The following CDH13 variants were observed in gnomAD, a reference collection of about 807,000 sequenced individuals.
The protein encoded by CDH13 is cadherin-13.
Under a neutral mutation model 63.8 loss-of-function variants are expected in CDH13, and 24 were observed. The ratio of observed to expected loss-of-function variants is 0.38; its 90% confidence interval spans 0.27 to 0.53. CDH13 has a LOEUF of 0.53. Ranked by LOEUF, CDH13 falls within the 20% of genes least tolerant of loss-of-function variation. CDH13 has a pLI of 0.85. For synonymous variants in CDH13, 503 were observed against 355.3 expected (o/e 1.42, Z -4.67); for missense variants, 1,049 against 903.1 (o/e 1.16, Z -2.07).
At chr16:82,665,022 T>C (rs1211363597) in intron 1 of CDH13, among the ~76,000 whole-genome samples, 2 of 152,230 alleles carry the variant, frequency 1.3e-5, no homozygotes, top group Non-Finnish European at 2.9e-5. Flanking sequence ...CATGGTAGTG[T>C]TGTGGTCACT....
chr16:83,397,269 C>G (rs1381702268), intron 6 of CDH13: 1 of 152,200 alleles, frequency 6.6e-6, no homozygotes, highest in Non-Finnish European at 1.5e-5. Flanking sequence ...AGACAAACCA[C>G]CACCACCATT....
intron 6 of CDH13, among the ~76,000 whole-genome samples, chr16:83,436,519 T>G (rs1020400122): frequency 6.6e-5 from 10 of 152,210 alleles, no homozygotes; most frequent in African/African-American, 2.4e-4. Flanking sequence ...AGTACTGTGT[T>G]GTCTTCATGC....
At position 83,356,212 on chromosome 16, in the gene CDH13, A is replaced by G. The variant is rs199925109; in HGVS notation, c.781+11206A>G. On this transcript the variant is annotated intron_variant, in intron 6 of 13. Coordinates refer to ENST00000567109, the MANE Select transcript of CDH13 (RefSeq NM_001257.5). Reference sequence around the variant, plus strand: ...CAGATGAGTGAGTTTATTTATTTTCATGTGTGTGTGTGTGTGTGTGTGTGT... The same window carrying G: ...CAGATGAGTGAGTTTATTTATTTTCGTGTGTGTGTGTGTGTGTGTGTGTGT... 6.7e-3 allele frequency among the ~76,000 whole-genome samples: 931 copies of G among 138,758 alleles called. 4 individuals are homozygous for G. The highest frequency in any genetic ancestry group is 0.018 in the East Asian group (68 of 3,862). The allele number at this position is 138,758 out of a possible 152,430, so 91.0% of individuals were successfully genotyped here.
chr16:83,275,853 G>A (rs2088970499), intron 5 of CDH13, among the ~76,000 whole-genome samples: 1 of 152,068 alleles, frequency 6.6e-6, no homozygotes, highest in South Asian at 2.1e-4. Context: ...GTGAGGGAAG[G>A]GTCACAAATG....
intron 11 of CDH13, among the ~76,000 whole-genome samples, chr16:83,779,189 G>A (rs1232690074): frequency 1.3e-5 from 2 of 151,712 alleles, no homozygotes; most frequent in Admixed American, 1.3e-4. Flanking sequence ...GGCGGATCAC[G>A]AGGTCAGGAG....
intron 6 of CDH13, among the ~76,000 whole-genome samples, chr16:83,373,407 G>A (rs1238420769): frequency 6.6e-6 from 1 of 152,150 alleles, no homozygotes; most frequent in African/African-American, 2.4e-5. Flanking sequence ...TGATTGGTAA[G>A]CTGAGTCTTG....
rs35023469 is a variant in CDH13 at position 83,609,239 on chromosome 16, A to AT, written c.1101+6655dup. On this transcript the variant is annotated intron_variant, in intron 8 of 13. Transcript: ENST00000567109. Reference sequence around the variant, plus strand: ...GTAAACTTTCTTAAGACATTATGAGATTTTTTTTTTAGCTCATCAGCTATC... The same window carrying AT: ...GTAAACTTTCTTAAGACATTATGAGATTTTTTTTTTTAGCTCATCAGCTATC... Among the ~76,000 whole-genome samples the AT allele has an allele frequency of 3.3e-3, 491 of 150,068 alleles. 3 individuals are homozygous for AT. The highest frequency in any genetic ancestry group is 0.01 in the African/African-American group (421 of 40,992).
At chr16:83,312,614 A>T (rs933892655) in intron 5 of CDH13, among the ~76,000 whole-genome samples, 1 of 152,202 alleles carries the variant, frequency 6.6e-6, no homozygotes, top group Non-Finnish European at 1.5e-5. Context: ...CACCCCTGCC[A>T]GGTCTACAGG....
chr16:83,191,489 G>A (rs62037389), intron 4 of CDH13, among the ~76,000 whole-genome samples: 929 of 45,262 alleles, frequency 0.021, no homozygotes, highest in Middle Eastern at 0.061. Context: ...ATATATATAT[G>A]CACATATATA....
chr16:83,045,927 C>T (rs546688372), intron 3 of CDH13, among the ~76,000 whole-genome samples: 1 of 152,240 alleles, frequency 6.6e-6, no homozygotes, highest in Admixed American at 6.5e-5. Context: ...TAGCCAAATA[C>T]ATCCTCCAGT....
intron 1 of CDH13, among the ~76,000 whole-genome samples, chr16:82,748,227 G>A (rs1419175653): frequency 3.3e-5 from 5 of 152,138 alleles, no homozygotes; most frequent in Non-Finnish European, 2.9e-5. Context: ...AAAAGAGGCT[G>A]GATCCACAAA....
chr16:83,041,207 AT>A (rs549197743), intron 3 of CDH13, among the ~76,000 whole-genome samples: 5 of 152,200 alleles, frequency 3.3e-5, no homozygotes, highest in Non-Finnish European at 7.3e-5. Flanking sequence ...GCAAAAAAAT[AT>A]TTTTCCCTTT....
intron 7 of CDH13, among the ~76,000 whole-genome samples, chr16:83,514,495 A>G (rs2074652673): frequency 6.6e-6 from 1 of 152,152 alleles, no homozygotes; most frequent in South Asian, 2.1e-4. Flanking sequence ...AATACAAAAA[A>G]TTAGCCGGGC....
intron 4 of CDH13, among the ~76,000 whole-genome samples, chr16:83,140,919 C>G (rs2036503585): frequency 6.6e-6 from 1 of 152,168 alleles, no homozygotes; most frequent in African/African-American, 2.4e-5. Context: ...AAAGGAAGAT[C>G]TGCCACATGA....
At chr16:83,145,228 CT>C (rs899286581) in intron 4 of CDH13, among the ~76,000 whole-genome samples, 2 of 152,180 alleles carry the variant, frequency 1.3e-5, no homozygotes, top group African/African-American at 2.4e-5. Flanking sequence ...ACCTTGGTCG[CT>C]GACAAACTCG....
chr16:83,522,393 G>T lies in CDH13; in HGVS notation c.960+35738G>T, dbSNP rs368492679. Among the ~76,000 whole-genome samples, 572 of 152,294 alleles carry T rather than the reference G, an allele frequency of 3.8e-3. 6 individuals are homozygous for T. The highest frequency in any genetic ancestry group is 0.013 in the African/African-American group (551 of 41,556). On this transcript the variant is annotated intron_variant, in intron 7 of 13. Transcript: ENST00000567109. The stretch of plus-strand genomic sequence containing the variant: ...AATTAACATGAGTATATGAGGTAAG[G>T]CATATTGGGGAAGAAAGTTCCACAG...
chr16:83,709,024 A>C, intron 10 of CDH13, among the ~76,000 whole-genome samples: 1 of 152,218 alleles, frequency 6.6e-6, no homozygotes, highest in Non-Finnish European at 1.5e-5. Context: ...ACCCTGTCTC[A>C]AAAAATTAAA....
intron 7 of CDH13, among the ~76,000 whole-genome samples, chr16:83,574,444 G>A (rs1904922895): frequency 6.6e-6 from 1 of 152,138 alleles, no homozygotes; most frequent in South Asian, 2.1e-4. Context: ...ACACTGGTGA[G>A]GAAAAGCAGC....
intron 11 of CDH13, among the ~76,000 whole-genome samples, chr16:83,750,976 T>TAAAA (rs11297972): frequency 1.4e-5 from 2 of 147,934 alleles, no homozygotes. Flanking sequence ...CTTAACTATT[T>TAAAA]AAAAAAAAAA....
Sources: allele counts gnomAD v4.1 joint callset (sites outside exome capture counted in the v4.1 genomes callset), GRCh38; gene constraint gnomAD v4.1.1; transcripts MANE v1.5; gene names NCBI Gene and HGNC (gene_info 2026-07-23, HGNC 2026-07-21).